The following WDPCP variants were observed in gnomAD, a reference collection of about 807,000 sequenced individuals.
The protein encoded by WDPCP is WD repeat-containing and planar cell polarity effector protein fritz homolog.
A neutral mutation model predicts 93.1 loss-of-function variants in WDPCP; 71 were observed. That is an observed-to-expected ratio of 0.76 (90% confidence interval 0.63 to 0.93). WDPCP has a LOEUF of 0.93. Among genes scored for constraint, WDPCP ranks in the 40% least tolerant of loss-of-function variants. The pLI is 0.00. For synonymous variants in WDPCP, 315 were observed against 315.0 expected (o/e 1.00, Z 0.00); for missense variants, 844 against 887.4 (o/e 0.95, Z 0.62).
chr2:63,657,235 C>T (rs1340923378), intron 2 of WDPCP, among the ~76,000 whole-genome samples: 4 of 123,672 alleles, frequency 3.2e-5, no homozygotes, highest in Non-Finnish European at 6.3e-5. Flanking sequence ...GACGGAGTCT[C>T]GCTCTGTCAC....
intron 15 of WDPCP, among the ~76,000 whole-genome samples, chr2:63,164,619 G>A (rs1318020377): frequency 6.6e-6 from 1 of 152,126 alleles, no homozygotes; most frequent in Non-Finnish European, 1.5e-5. Context: ...CTGAGTAAGA[G>A]TGAGCCAATT....
At chr2:63,244,909 TAG>T (rs983026777) in intron 14 of WDPCP, among the ~76,000 whole-genome samples, 1 of 152,162 alleles carries the variant, frequency 6.6e-6, no homozygotes, top group Admixed American at 6.6e-5. Context: ...TGAAGTTGAC[TAG>T]AGAGTTTAAT....
chr2:63,758,490 G>T (rs1670002016), intron 2 of WDPCP, among the ~76,000 whole-genome samples: 1 of 152,160 alleles, frequency 6.6e-6, no homozygotes, highest in Non-Finnish European at 1.5e-5. Flanking sequence ...TCAGGCTGAA[G>T]TACAGTGGCA....
At chr2:63,775,283 T>C (rs1306449442) in intron 2 of WDPCP, among the ~76,000 whole-genome samples, 3 of 152,224 alleles carry the variant, frequency 2.0e-5, no homozygotes, top group African/African-American at 7.2e-5. Flanking sequence ...TACCTATTCT[T>C]CATTGTATTG....
At chr2:63,547,746 G>GA (rs398060231) in intron 1 of WDPCP, among the ~76,000 whole-genome samples, 19,201 of 113,622 alleles carry the variant, frequency 0.17, 2,686 homozygotes, top group African/African-American at 0.41. Context: ...GGTAGAAAAA[G>GA]AAAAAAAAAA....
At chr2:63,507,069 G>A (rs1271008619) in intron 1 of WDPCP, among the ~76,000 whole-genome samples, 2 of 151,950 alleles carry the variant, frequency 1.3e-5, no homozygotes, top group East Asian at 3.9e-4. Flanking sequence ...AGAGACAATG[G>A]AAGGAAATAA....
chr2:63,569,785 GT>G (rs1003658539), intron 1 of WDPCP, among the ~76,000 whole-genome samples: 8 of 152,082 alleles, frequency 5.3e-5, no homozygotes, highest in Non-Finnish European at 7.4e-5. Flanking sequence ...CTGTATCCTG[GT>G]AGATGGGGCT....
chr2:63,198,024 T>C (rs939279458), intron 14 of WDPCP, among the ~76,000 whole-genome samples: 11 of 152,202 alleles, frequency 7.2e-5, no homozygotes, highest in African/African-American at 2.7e-4. Flanking sequence ...GGTTCTCCCA[T>C]TTACAGGTTA....
At position 63,698,542 on chromosome 2, in the gene WDPCP, C is replaced by G. The variant is rs566557852; in HGVS notation, n.309-47704G>C. Among the ~76,000 whole-genome samples, 11 of 152,286 alleles carry G rather than the reference C, an allele frequency of 7.2e-5. No individual in the cohort carries two copies. In the South Asian group the frequency reaches 2.1e-3, roughly 29 times the overall value. ...AATCTAATCCCTCTGTTGGCACAGACTGAGGCTGGAGGGGATGCCTATGGA... is the reference window on the plus strand; with the variant it reads ...AATCTAATCCCTCTGTTGGCACAGAGTGAGGCTGGAGGGGATGCCTATGGA... On this transcript the variant is annotated intron_variant and non_coding_transcript_variant, in intron 2 of 4. Transcript: ENST00000467687.
At chr2:63,640,326 C>T (rs1558873088) in intron 3 of WDPCP, among the ~76,000 whole-genome samples, 2 of 152,254 alleles carry the variant, frequency 1.3e-5, no homozygotes, top group South Asian at 2.1e-4. Context: ...TGTTAATATA[C>T]AAACCTGCAC....
intron 2 of WDPCP, among the ~76,000 whole-genome samples, chr2:63,731,448 A>G (rs571786991): frequency 2.0e-5 from 3 of 152,254 alleles, no homozygotes; most frequent in Middle Eastern, 3.4e-3. Context: ...ATGTTGTGCA[A>G]CTTATCACCT....
At chr2:63,752,939 C>G (rs1340763163) in intron 2 of WDPCP, among the ~76,000 whole-genome samples, 1 of 152,036 alleles carries the variant, frequency 6.6e-6, no homozygotes, top group East Asian at 1.9e-4. Flanking sequence ...AGTGATCCAC[C>G]CACCTCGGCC....
At chr2:63,496,234 C>T (rs1261109039) in intron 1 of WDPCP, among the ~76,000 whole-genome samples, 8 of 152,128 alleles carry the variant, frequency 5.3e-5, no homozygotes, top group Non-Finnish European at 1.2e-4. Flanking sequence ...TGCACCTTTA[C>T]TTACATATCA....
At chr2:63,708,457 T>C (rs1669203124) in intron 2 of WDPCP, among the ~76,000 whole-genome samples, 2 of 152,184 alleles carry the variant, frequency 1.3e-5, no homozygotes, top group South Asian at 4.1e-4. Flanking sequence ...TGATGTGCCG[T>C]TTGTTAAGCC....
chr2:63,299,046 A>G (rs904303552), intron 13 of WDPCP, among the ~76,000 whole-genome samples: 1 of 151,586 alleles, frequency 6.6e-6, no homozygotes, highest in Non-Finnish European at 1.5e-5. Context: ...TGTAGATGCA[A>G]TGTGGGCATC....
intron 1 of WDPCP, among the ~76,000 whole-genome samples, chr2:63,555,406 T>TG (rs917133827): frequency 2.0e-5 from 1 of 49,854 alleles, no homozygotes; most frequent in East Asian, 5.2e-3. Context: ...GGACTTAGTT[T>TG]TTCCCCTGCT....
In WDPCP at chr2:63,757,240, C is replaced by T. The variant is rs1443303226; in HGVS notation, n.308+56382G>A. On this transcript the variant is annotated intron_variant and non_coding_transcript_variant, in intron 2 of 4. Transcript: ENST00000467687. ...GGAGCATCTCAAAATCAGAATTAAT[C>T]AGGTAACATTCCTCAAACACAGGTA... Among the ~76,000 whole-genome samples, 3 of 152,286 alleles carry T rather than the reference C, an allele frequency of 2.0e-5. No individual in the cohort carries two copies. The East Asian group carries it at 5.8e-4, about 29-fold the overall frequency.
chr2:63,685,816 A>G (rs761400582), intron 2 of WDPCP, among the ~76,000 whole-genome samples: 12 of 152,236 alleles, frequency 7.9e-5, no homozygotes, highest in Admixed American at 6.5e-4. Context: ...AAATAAATAA[A>G]TGTGATACAT....
chr2:63,812,053 C>T (rs528495891), intron 2 of WDPCP, among the ~76,000 whole-genome samples: 31 of 151,610 alleles, frequency 2.0e-4, no homozygotes, highest in Admixed American at 1.5e-3. Context: ...TTTGTAGAGA[C>T]GGGGTTTTGT....
Sources: gnomAD v4.1 joint callset for allele counts (sites outside exome capture counted in the v4.1 genomes callset) on GRCh38, gnomAD v4.1.1 for gene constraint, MANE v1.5 for transcripts, NCBI Gene and HGNC (gene_info 2026-07-23, HGNC 2026-07-21) for gene names.